NCALD: variants seen among roughly 807,000 people sequenced by gnomAD.
The protein encoded by NCALD is neurocalcin delta.
Under a neutral mutation model 18.6 loss-of-function variants are expected in NCALD, and 10 were observed. The ratio of observed to expected loss-of-function variants is 0.54; its 90% confidence interval spans 0.33 to 0.91. The LOEUF is 0.91. NCALD is among the 40% of genes least tolerant of loss of function. The probability of loss-of-function intolerance (pLI) is 0.03; values close to 1 mark genes in which losing one functional copy is unlikely to be tolerated. For synonymous variants in NCALD, 88 were observed against 87.4 expected (o/e 1.01, Z -0.04); for missense variants, 184 against 247.6 (o/e 0.74, Z 1.72).
intron 2 of NCALD, among the ~76,000 whole-genome samples, chr8:102,001,046 GAGA>G (rs1298371479): frequency 2.6e-5 from 4 of 152,238 alleles, no homozygotes; most frequent in Non-Finnish European, 4.4e-5. Flanking sequence ...GATGAGTAGA[GAGA>G]AGAAGGCTTC....
intron 1 of NCALD, among the ~76,000 whole-genome samples, chr8:101,755,807 C>T (rs1192413898): frequency 1.3e-5 from 2 of 152,220 alleles, no homozygotes; most frequent in Non-Finnish European, 2.9e-5. Flanking sequence ...TTACTTTTGG[C>T]TTCCATGTCC....
At chr8:101,913,057 G>A (rs920245062) in intron 3 of NCALD, among the ~76,000 whole-genome samples, 11 of 152,150 alleles carry the variant, frequency 7.2e-5, no homozygotes, top group African/African-American at 2.7e-4. Flanking sequence ...ACAACTGCAT[G>A]AGCTTAGAAG....
At chr8:102,094,535 T>C (rs1282504163) in intron 1 of NCALD, among the ~76,000 whole-genome samples, 1 of 152,224 alleles carries the variant, frequency 6.6e-6, no homozygotes, top group Non-Finnish European at 1.5e-5. Context: ...AGCCAGCGAT[T>C]GCTAGTATCT....
chr8:101,906,522 A>T (rs1817617294), intron 3 of NCALD, among the ~76,000 whole-genome samples: 1 of 152,200 alleles, frequency 6.6e-6, no homozygotes, highest in Admixed American at 6.5e-5. Context: ...GTGCCTATAA[A>T]ACTTTACCTG....
intron 4 of NCALD, among the ~76,000 whole-genome samples, chr8:101,804,192 G>A (rs2131096730): frequency 6.6e-6 from 1 of 150,484 alleles, no homozygotes; most frequent in South Asian, 2.1e-4. Flanking sequence ...AGCATTTTTA[G>A]AAAAATTATT....
In NCALD at chr8:101,828,821, G is replaced by C. The variant is rs1586590608; in HGVS notation, c.-20+58320C>G. The stretch of plus-strand genomic sequence containing the variant: ...CCTAGTTGGGATGTAAGTTTCATGA[G>C]AGCTGGGTTTTTCGACGGTTTTGTT... On this transcript the variant is annotated intron_variant, in intron 4 of 6. Coordinates refer to the NCALD transcript ENST00000311028. Among the ~76,000 whole-genome samples, 4 of 152,086 alleles carry C rather than the reference G, an allele frequency of 2.6e-5. No individual in the cohort carries two copies. The South Asian group carries it at 8.3e-4, about 32-fold the overall frequency.
chr8:101,812,390 C>T (rs111995564), intron 4 of NCALD, among the ~76,000 whole-genome samples: 87 of 152,190 alleles, frequency 5.7e-4, no homozygotes, highest in Non-Finnish European at 4.7e-4. Context: ...AAGTCAATAT[C>T]CTCTGAGCTC....
intron 1 of NCALD, among the ~76,000 whole-genome samples, chr8:101,726,315 G>A (rs1171046450): frequency 6.6e-6 from 1 of 152,178 alleles, no homozygotes; most frequent in Non-Finnish European, 1.5e-5. Flanking sequence ...TTGAGAGTAA[G>A]CTAAAGAGGA....
chr8:101,766,894 A>T (rs1811370945), intron 1 of NCALD, among the ~76,000 whole-genome samples: 1 of 152,220 alleles, frequency 6.6e-6, no homozygotes, highest in South Asian at 2.1e-4. Context: ...AAGAAGTTTT[A>T]AAACTATATA....
intron 4 of NCALD, among the ~76,000 whole-genome samples, chr8:101,867,467 G>A (rs1177564257): frequency 6.6e-6 from 1 of 152,208 alleles, no homozygotes. Flanking sequence ...CAACTTCTTA[G>A]AAATTTCTGA....
intron 1 of NCALD, among the ~76,000 whole-genome samples, chr8:101,769,679 A>G (rs1488489585): frequency 6.6e-6 from 1 of 151,474 alleles, no homozygotes; most frequent in Non-Finnish European, 1.5e-5. Flanking sequence ...ACTTACCTGC[A>G]ACGGCATCTT....
chr8:102,044,463 GTATGACAC>G (rs1294777051), intron 1 of NCALD, among the ~76,000 whole-genome samples: 2 of 149,558 alleles, frequency 1.3e-5, no homozygotes, highest in Non-Finnish European at 2.9e-5. Context: ...AAGAGAGATG[GTATGACAC>G]TATTGAGCAG....
chr8:101,820,914 G>C (rs963850587), intron 4 of NCALD, among the ~76,000 whole-genome samples: 1 of 152,206 alleles, frequency 6.6e-6, no homozygotes, highest in Non-Finnish European at 1.5e-5. Flanking sequence ...AAAGCAATCA[G>C]AGAGCAAGAC....
chr8:101,866,737 C>T (rs1160529004), intron 4 of NCALD, among the ~76,000 whole-genome samples: 1 of 152,116 alleles, frequency 6.6e-6, no homozygotes, highest in African/African-American at 2.4e-5. Context: ...TCATTACCAC[C>T]ATTTCTACCT....
intron 1 of NCALD, chr8:101,745,899 T>C (rs1388712765): frequency 6.6e-6 from 1 of 152,208 alleles, no homozygotes; most frequent in Non-Finnish European, 1.5e-5. Flanking sequence ...TGGCAGACAG[T>C]AAGTGGTGCA....
intron 1 of NCALD, among the ~76,000 whole-genome samples, chr8:101,722,426 T>C (rs1036209573): frequency 6.6e-6 from 1 of 152,258 alleles, no homozygotes; most frequent in African/African-American, 2.4e-5. Flanking sequence ...AGACATTTTA[T>C]GGAATTTACA....
At position 101,691,029 on chromosome 8, in the gene NCALD, C is replaced by T. The variant is rs559781775; in HGVS notation, c.485-1623G>A. The T allele has an allele frequency of 2.3e-5, 23 of 985,346 alleles. No homozygotes were observed. In the South Asian group the frequency reaches 1.0e-3, roughly 44 times the overall value. The allele number at this position is 985,346 out of a possible 1,614,324, so 61.0% of individuals were successfully genotyped here. On this transcript the variant is annotated intron_variant, in intron 3 of 3. Transcript: ENST00000220931. ...CAGATTTTTCTTTTCAAATCGGAGG[C>T]CAGAAGTTAGATTCCAAGAGCAACA...
At chr8:101,739,565 G>A (rs1304492231) in intron 1 of NCALD, among the ~76,000 whole-genome samples, 1 of 152,194 alleles carries the variant, frequency 6.6e-6, no homozygotes, top group African/African-American at 2.4e-5. Context: ...AGCATGGCTA[G>A]AATAAAGCAG....
At chr8:102,008,897 CA>C (rs1821803355) in intron 2 of NCALD, among the ~76,000 whole-genome samples, 1 of 146,422 alleles carries the variant, frequency 6.8e-6, no homozygotes, top group Admixed American at 7.0e-5. Context: ...CTACCACCCC[CA>C]CCTCCACCCC....
Sources: allele counts gnomAD v4.1 joint callset (sites outside exome capture counted in the v4.1 genomes callset), GRCh38; gene constraint gnomAD v4.1.1; transcripts MANE v1.5; gene names NCBI Gene and HGNC (gene_info 2026-07-23, HGNC 2026-07-21).